The following FIG4 variants were observed in gnomAD, a reference collection of about 807,000 sequenced individuals.
The protein encoded by FIG4 is polyphosphoinositide phosphatase.
Under a neutral mutation model 118.6 loss-of-function variants are expected in FIG4, and 112 were observed. That is an observed-to-expected ratio of 0.94 (90% confidence interval 0.81 to 1.11). The LOEUF (loss-of-function observed/expected upper bound fraction) is 1.11, where lower values mean the gene tolerates loss of function less well. FIG4 is among the 50% of genes least tolerant of loss of function. The pLI is 0.00. For synonymous variants in FIG4, 369 were observed against 381.2 expected (o/e 0.97, Z 0.37); for missense variants, 969 against 1,111.7 (o/e 0.87, Z 1.83).
At chr6:109,811,864 A>T (rs970761184) in intron 22 of FIG4, among the ~76,000 whole-genome samples, 1 of 152,168 alleles carries the variant, frequency 6.6e-6, no homozygotes, top group Non-Finnish European at 1.5e-5. Flanking sequence ...ACTGGGGAAG[A>T]GTGTTTGAAG....
intron 7 of FIG4, among the ~76,000 whole-genome samples, chr6:109,739,469 C>T (rs1776259022): frequency 6.6e-6 from 1 of 152,086 alleles, no homozygotes; most frequent in African/African-American, 2.4e-5. Context: ...CATTTTCCCC[C>T]CACAGATAAG....
chr6:109,818,933 C>T (rs572576823), intron 22 of FIG4, among the ~76,000 whole-genome samples: 6 of 152,318 alleles, frequency 3.9e-5, no homozygotes, highest in East Asian at 3.9e-4. Context: ...GCACACTAGA[C>T]GGGGAATGCA....
chr6:109,749,139 A>G (rs922345833), intron 10 of FIG4, among the ~76,000 whole-genome samples: 15 of 151,418 alleles, frequency 9.9e-5, no homozygotes, highest in African/African-American at 3.4e-4. Flanking sequence ...ATGTCCCCAA[A>G]CTGGCAGTTG....
At chr6:109,716,829 T>C (rs927678799) in intron 3 of FIG4, among the ~76,000 whole-genome samples, 1 of 152,194 alleles carries the variant, frequency 6.6e-6, no homozygotes, top group Admixed American at 6.5e-5. Flanking sequence ...GAGGTTGCTG[T>C]CTGTCTCATT....
chr6:109,694,783 G>A (rs1187050215), intron 1 of FIG4, among the ~76,000 whole-genome samples: 2 of 152,152 alleles, frequency 1.3e-5, no homozygotes, highest in Non-Finnish European at 2.9e-5. Context: ...AAGGATCTGA[G>A]TAGACATTTC....
At chr6:109,711,654 G>A (rs1469307764) in intron 1 of FIG4, among the ~76,000 whole-genome samples, 1 of 151,890 alleles carries the variant, frequency 6.6e-6, no homozygotes, top group East Asian at 1.9e-4. Flanking sequence ...TGAGCCTGTG[G>A]GTTTCATTGC....
At chr6:109,691,613 C>G in intron 1 of FIG4, 112 bp downstream of exon 1, 1 of 992,512 alleles carries the variant, frequency 1.0e-6, no homozygotes, top group Non-Finnish European at 1.6e-6. Flanking sequence ...TCTCCAGTTC[C>G]CAAATCCCTG....
intron 13 of FIG4, among the ~76,000 whole-genome samples, chr6:109,764,755 A>G (rs1777228986): frequency 6.6e-6 from 1 of 152,242 alleles, no homozygotes; most frequent in African/African-American, 2.4e-5. Flanking sequence ...AACAAAGTAA[A>G]TTCAAATATA....
chr6:109,794,235 T>G (rs186895361), intron 21 of FIG4, among the ~76,000 whole-genome samples: 2 of 152,226 alleles, frequency 1.3e-5, no homozygotes, highest in Admixed American at 1.3e-4. Context: ...TAAAAAGATA[T>G]TATCCCCTTT....
chr6:109,742,513 T>A (rs1355122812), intron 8 of FIG4, among the ~76,000 whole-genome samples: 5 of 152,124 alleles, frequency 3.3e-5, no homozygotes, highest in Non-Finnish European at 5.9e-5. Flanking sequence ...GTTCTTAAAA[T>A]TATATCAACA....
At chr6:109,736,571 A>C (rs1399184003) in intron 6 of FIG4, among the ~76,000 whole-genome samples, 1 of 152,172 alleles carries the variant, frequency 6.6e-6, no homozygotes, top group Non-Finnish European at 1.5e-5. Flanking sequence ...TTGTAATACA[A>C]AAGCTGAAAG....
At position 109,743,231 on chromosome 6, in the gene FIG4, C is replaced by T; in HGVS notation, c.998C>T (p.Ser333Phe). 3 of 1,612,926 alleles carry T rather than the reference C, an allele frequency of 1.9e-6. No individual in the cohort carries two copies. The highest frequency in any genetic ancestry group is 1.7e-6 in the Non-Finnish European group (2 of 1,179,224). ...QVRGSVPLYW[S>F]QDISTMMPKP... Reference sequence around the variant, plus strand: ...AGAGGATCTGTGCCCTTATACTGGTCTCAGGACATTTCAACTATGATGCCT... The same window carrying T: ...AGAGGATCTGTGCCCTTATACTGGTTTCAGGACATTTCAACTATGATGCCT... Residue 333 changes from serine to phenylalanine, a missense_variant, in exon 9 of 23, where the codon TCT (serine) becomes TTT (phenylalanine). Physicochemically the swap from Ser to Phe is radical, Grantham distance 155. This residue lies in a region of FIG4 where 393 missense variants were observed against 409.4 expected (regional missense o/e 0.96). Coordinates refer to ENST00000230124, the MANE Select transcript of FIG4 (RefSeq NM_014845.6).
chr6:109,722,192 C>T (rs962752125), intron 3 of FIG4, among the ~76,000 whole-genome samples: 1 of 150,984 alleles, frequency 6.6e-6, no homozygotes, highest in African/African-American at 2.4e-5. Context: ...CTTCCCATTC[C>T]TGTGTCCTCC....
At chr6:109,818,576 G>A (rs1326233861) in intron 22 of FIG4, among the ~76,000 whole-genome samples, 4 of 152,084 alleles carry the variant, frequency 2.6e-5, no homozygotes, top group African/African-American at 9.7e-5. Flanking sequence ...CTCTTACTGT[G>A]CCTAATTTAT....
intron 14 of FIG4, among the ~76,000 whole-genome samples, chr6:109,765,650 G>A (rs1361546353): frequency 1.3e-5 from 2 of 152,012 alleles, no homozygotes; most frequent in African/African-American, 2.4e-5. Flanking sequence ...AAACTAGTGG[G>A]CATTGTTTTA....
At chr6:109,695,150 C>T (rs1774669515) in intron 1 of FIG4, among the ~76,000 whole-genome samples, 1 of 152,196 alleles carries the variant, frequency 6.6e-6, no homozygotes, top group South Asian at 2.1e-4. Context: ...CTTTATTTCT[C>T]AAGCTAACTT....
rs1170987268 is a variant in FIG4 at position 109,741,662 on chromosome 6, G to C, written c.876+118G>C. 24 of 760,398 alleles carry C rather than the reference G, an allele frequency of 3.2e-5. No individual in the cohort carries two copies. In the East Asian group the frequency reaches 5.4e-4, roughly 17 times the overall value. 47.1% of individuals were successfully genotyped at this position (760,398 alleles called of 1,614,324 possible). A position where few individuals can be genotyped will look rare whatever the true frequency, so the allele number is the denominator to read the frequency against. On this transcript the variant is annotated intron_variant, in intron 8 of 22. Coordinates refer to ENST00000230124, the MANE Select transcript of FIG4 (RefSeq NM_014845.6). ...TTCTTAGTTTGGGATATTATCAAGA[G>C]AATACAGTTGCCTTTTAGTATCAAC...
intron 3 of FIG4, 144 bp from the exon 4 acceptor site, chr6:109,726,965 A>G: frequency 1.4e-6 from 1 of 692,462 alleles, no homozygotes; most frequent in Non-Finnish European, 2.5e-6. Context: ...GAATAATCCT[A>G]AGACACCTGA....
intron 22 of FIG4, among the ~76,000 whole-genome samples, chr6:109,809,745 T>C (rs889632852): frequency 1.3e-5 from 2 of 152,216 alleles, no homozygotes; most frequent in African/African-American, 4.8e-5. Flanking sequence ...TAAAGGGTTC[T>C]ATCAAAAACT....
Sources: allele counts gnomAD v4.1 joint callset (sites outside exome capture counted in the v4.1 genomes callset), GRCh38; gene constraint gnomAD v4.1.1; regional missense constraint gnomAD v4.1.1; transcripts MANE v1.5; gene names NCBI Gene and HGNC (gene_info 2026-07-23, HGNC 2026-07-21).